The following KMT2C variants were observed in gnomAD, a reference collection of about 807,000 sequenced individuals.
KMT2C encodes lysine methyltransferase 2C.
A neutral mutation model predicts 507.9 loss-of-function variants in KMT2C; 88 were observed. The ratio of observed to expected loss-of-function variants is 0.17; its 90% CI spans 0.15 to 0.21. KMT2C has a LOEUF of 0.21. Ranked by LOEUF, KMT2C falls within the 10% of genes least tolerant of loss-of-function variation. The pLI is 1.00. For missense variants in KMT2C, 4,954 were observed against 5,957.8 expected, an observed-to-expected ratio of 0.83 and a Z score of 5.55; for synonymous variants, 2,049 against 2,080.8, an observed-to-expected ratio of 0.98 and a Z score of 0.42.
Position 152,253,514 on chromosome 7 carries a change from C to CAAAAAAAAAAAAAAA in KMT2C, c.1300-814_1300-800dup, listed in dbSNP as rs71198770. 5.6e-4 allele frequency among the ~76,000 whole-genome samples: 22 copies of CAAAAAAAAAAAAAAA among 39,514 alleles called. 2 individuals are homozygous for CAAAAAAAAAAAAAAA. The highest frequency in any genetic ancestry group is 1.7e-3 in the African/African-American group (22 of 12,818). 25.9% of individuals were successfully genotyped at this position (39,514 alleles called of 152,430 possible). On this transcript the variant is annotated intron_variant, in intron 9 of 58. Transcript: ENST00000262189. ...AGAAGGCAAAACACCTCTTTCTCTA[C>CAAAAAAAAAAAAAAA]AAAAAAAAAAAAAAAAAAAAAAAAA... is the stretch of plus-strand genomic sequence containing the variant.
chr7:152,295,908 T>G (rs1424098657), intron 6 of KMT2C, among the ~76,000 whole-genome samples: 3 of 149,798 alleles, frequency 2.0e-5, no homozygotes, highest in Non-Finnish European at 4.4e-5. Flanking sequence ...CTACTAAAAA[T>G]ACAAAAAAAA....
rs979633890 is a variant in KMT2C at position 152,278,818 on chromosome 7, C to T, written c.850-4951G>A. ...AGCCATAGTCATTAAAGTTTATACA[C>T]CTAATAAATATATGTCACATATAAA... On this transcript the variant is annotated intron_variant, in intron 6 of 58. Coordinates refer to ENST00000262189, the MANE Select transcript of KMT2C (RefSeq NM_170606.3). Among the ~76,000 whole-genome samples, 24 of 152,424 alleles carry T rather than the reference C, an allele frequency of 1.6e-4. No homozygotes were observed. The East Asian group carries it at 4.0e-3, about 26-fold the overall frequency.
At chr7:152,171,412 T>C in intron 39 of KMT2C, 70 bp from the exon 40 acceptor site, 2 of 986,328 alleles carry the variant, frequency 2.0e-6, no homozygotes, top group Non-Finnish European at 3.0e-6. Context: ...TTAAAAACTG[T>C]ATTAGGTGCT....
intron 20 of KMT2C, among the ~76,000 whole-genome samples, chr7:152,223,377 G>C (rs2094832767): frequency 6.6e-6 from 1 of 152,020 alleles, no homozygotes; most frequent in Non-Finnish European, 1.5e-5. Context: ...GAATGTGTTA[G>C]ATATTTTTTA....
chr7:152,147,707 CAAAAAAA>C (rs762588729), intron 52 of KMT2C, among the ~76,000 whole-genome samples: 19 of 46,722 alleles, frequency 4.1e-4, no homozygotes, highest in Middle Eastern at 9.6e-3. Context: ...AACTCCGTCT[CAAAAAAA>C]AAAAAAAAAA....
chr7:152,190,350 TA>T (rs1270497743), intron 31 of KMT2C, among the ~76,000 whole-genome samples: 1 of 152,232 alleles, frequency 6.6e-6, no homozygotes, highest in Admixed American at 6.5e-5. Flanking sequence ...AATCTTGTAA[TA>T]ATCTACAATA....
rs1301156386 is a variant in KMT2C at position 152,144,497 on chromosome 7, T to C, written c.14343+216A>G. 1.3e-5 allele frequency among the ~76,000 whole-genome samples: 2 copies of C among 152,236 alleles called. No individual in the cohort carries two copies. Among genetic ancestry groups the C allele is most frequent in the Non-Finnish European group, 2.9e-5 (2 of 68,040 alleles). ...CAAGATGCAAAGATGTGGATTCCAC[T>C]GGTCTGCTTTCCCTTTGGGGAAGCC... On this transcript the variant is annotated intron_variant, in intron 55 of 58. Transcript: ENST00000262189. The surrounding 1 kb of genome is among the most constrained non-coding windows in gnomAD (Gnocchi z 4.4).
At chr7:152,152,635 A>T (rs576095351) in intron 49 of KMT2C, 70 bp downstream of exon 49, 2 of 1,553,610 alleles carry the variant, frequency 1.3e-6, no homozygotes, top group Non-Finnish European at 1.8e-6. Flanking sequence ...GATAATCAGT[A>T]TCTCAAAGAG....
At position 152,145,235 on chromosome 7, in the gene KMT2C, C is replaced by T. The variant is rs1457427964; in HGVS notation, c.14092G>A (p.Glu4698Lys). 1.2e-6 allele frequency: 2 copies of T among 1,614,018 alleles called. No individual in the cohort carries two copies. Among genetic ancestry groups the T allele is most frequent in the Non-Finnish European group, 1.7e-6 (2 of 1,180,010 alleles). ...TFRYGRNPLM[E>K]LPLAVNPTGC... The stretch of plus-strand genomic sequence containing the variant: ...GTGGGGTTAACGGCAAGAGGAAGTT[C>T]CATGAGAGGATTTCGGCCGTATCGG... Residue 4698 changes from glutamate to lysine, a missense_variant, in exon 54 of 59, where the codon GAA becomes AAA. Glu to Lys is a moderately conservative substitution (Grantham distance 56, BLOSUM62 1). This residue lies in a region of KMT2C where 221 missense variants were observed against 304.7 expected (regional missense o/e 0.73). Coordinates refer to ENST00000262189, the MANE Select transcript of KMT2C (RefSeq NM_170606.3).
chr7:152,201,138 C>T (rs942559891), intron 26 of KMT2C, among the ~76,000 whole-genome samples: 1 of 152,112 alleles, frequency 6.6e-6, no homozygotes, highest in Non-Finnish European at 1.5e-5. Flanking sequence ...CATGACTTTA[C>T]TGGTGTTTAT....
intron 23 of KMT2C, 135 bp downstream of exon 23, chr7:152,220,388 G>GC: frequency 1.4e-6 from 1 of 704,652 alleles, no homozygotes; most frequent in Non-Finnish European, 2.4e-6. Context: ...TTTGGAAATG[G>GC]CAAGGGTCAG....
At chr7:152,261,919 A>G (rs373637664) in intron 9 of KMT2C, among the ~76,000 whole-genome samples, 1 of 151,758 alleles carries the variant, frequency 6.6e-6, no homozygotes, top group Non-Finnish European at 1.5e-5. Flanking sequence ...CAGCCCTCAG[A>G]CCCCACTTCC....
rs1446872548 is a variant in KMT2C at position 152,177,711 on chromosome 7, A to G, written c.7742T>C (p.Val2581Ala). ...RLPFSAPPGS[V>A]VEASSNLRHG... ...TCTCAGATTAGAAGATGCCTCTACA[A>G]CGCTGCCAGGTGGAGCACTGAAAGG... The change falls in exon 38 of 59, where the codon GTT becomes GCT. Residue 2581 changes from valine to alanine, a missense_variant. Coordinates refer to ENST00000262189, the MANE Select transcript of KMT2C (RefSeq NM_170606.3). The G allele has an allele frequency of 1.9e-6, 3 of 1,614,142 alleles. 1 individual carries two copies. Among genetic ancestry groups the G allele is most frequent in the South Asian group, 2.2e-5 (2 of 91,080 alleles).
intron 6 of KMT2C, among the ~76,000 whole-genome samples, chr7:152,301,924 T>G (rs922956322): frequency 1.3e-5 from 2 of 152,254 alleles, no homozygotes; most frequent in Non-Finnish European, 2.9e-5. Flanking sequence ...TACTATACAC[T>G]GTTTTTCAAC....
chr7:152,299,146 C>T (rs1206960420), intron 6 of KMT2C, among the ~76,000 whole-genome samples: 4 of 151,724 alleles, frequency 2.6e-5, no homozygotes, highest in Admixed American at 2.0e-4. Flanking sequence ...GGTGAAACCC[C>T]GTCTCTACTA....
In KMT2C at chr7:152,134,993, CA is replaced by C. The variant is rs2089762295; in HGVS notation, c.*1838del. Reference sequence around the variant, plus strand: ...ATCTGTGTCCACAAATTCCAAAACCCATAACACTCTGTATACTTCAAAAAAT... The same window carrying C: ...ATCTGTGTCCACAAATTCCAAAACCCTAACACTCTGTATACTTCAAAAAAT... On this transcript the variant is annotated 3_prime_UTR_variant, in exon 59 of 59. Transcript: ENST00000262189. 4.4e-6 allele frequency: 1 copy of C among 227,008 alleles called. No individual in the cohort carries two copies. The highest frequency in any genetic ancestry group is 8.8e-6 in the Non-Finnish European group (1 of 114,004). The allele number at this position is 227,008 out of a possible 1,614,324, so 14.1% of individuals were successfully genotyped here.
At chr7:152,335,108 T>G in intron 2 of KMT2C, among the ~76,000 whole-genome samples, 1 of 152,186 alleles carries the variant, frequency 6.6e-6, no homozygotes, top group East Asian at 1.9e-4. Flanking sequence ...ATGTAGACTG[T>G]ACCTACAGAG....
Position 152,162,444 on chromosome 7 carries a change from G to A in KMT2C, c.11133C>T (p.Thr3711=), listed in dbSNP as rs768775460. 5.6e-6 allele frequency: 9 copies of A among 1,614,068 alleles called. No individual in the cohort carries two copies. The African/African-American group carries it at 1.1e-4, about 19-fold the overall frequency. The change falls in exon 43 of 59, where the codon ACC becomes ACT. Residue 3711 remains threonine, a synonymous_variant. Coordinates refer to ENST00000262189, the MANE Select transcript of KMT2C (RefSeq NM_170606.3). ...GTTTTATCTCTTCTGTTTTGGCAGG[G>A]GTTTCCATGGAGAGCTTGTCTACTT... The part of the protein sequence containing the change: ...NSEVDKLSME[T]PAKTEEIKLE...
chr7:152,326,225 T>G (rs2096827269), intron 3 of KMT2C, among the ~76,000 whole-genome samples: 1 of 152,162 alleles, frequency 6.6e-6, no homozygotes, highest in Non-Finnish European at 1.5e-5. Flanking sequence ...CTTGTAAAAT[T>G]TACTGTAGAA....
Sources: allele counts gnomAD v4.1 joint callset (sites outside exome capture counted in the v4.1 genomes callset), GRCh38; gene constraint gnomAD v4.1.1; regional missense constraint gnomAD v4.1.1; non-coding constraint Gnocchi (gnomAD v3.1); transcripts MANE v1.5; gene names NCBI Gene and HGNC (gene_info 2026-07-23, HGNC 2026-07-21).